The following TPP2 variants were observed in gnomAD, a reference collection of about 807,000 sequenced individuals.
TPP2 encodes tripeptidyl-peptidase 2.
A neutral mutation model predicts 155.9 loss-of-function variants in TPP2; 34 were observed. The observed-to-expected ratio is 0.22, with a 90% CI of 0.17 to 0.29. The LOEUF (loss-of-function observed/expected upper bound fraction) is 0.29, where lower values mean the gene tolerates loss of function less well. Ranked by LOEUF, TPP2 falls within the 10% of genes least tolerant of loss-of-function variation. TPP2 has a pLI of 1.00. For synonymous variants in TPP2, 510 were observed against 529.4 expected, an observed-to-expected ratio of 0.96 and a Z score of 0.50; for missense variants, 1,028 against 1,522.3, an observed-to-expected ratio of 0.68 and a Z score of 5.40.
At chr13:102,637,294 T>A (rs981835192) in intron 14 of TPP2, 55 bp downstream of exon 14, 57 of 1,527,346 alleles carry the variant, frequency 3.7e-5, no homozygotes, top group Non-Finnish European at 4.9e-5. Flanking sequence ...TTTAAAAGGT[T>A]AAAAAAAAAT....
rs755694829 is a variant in TPP2 at position 102,604,878 on chromosome 13, C to T, written c.251C>T (p.Pro84Leu). Residue 84 changes from proline to leucine, a missense_variant, in exon 2 of 30, where the codon CCA (proline) becomes CTA (leucine). By Grantham distance (98) the Pro-to-Leu change is moderately conservative. Coordinates refer to ENST00000376052, the MANE Select transcript of TPP2 (RefSeq NM_001330588.2). ...GDVNTATEVE[P>L]KDGEIVGLSG... ...GTGAATACTGCTACAGAAGTAGAGC[C>T]AAAGGATGGTGAGATTGTTGGCCTT... 2.2e-5 allele frequency: 35 copies of T among 1,613,774 alleles called. No individual in the cohort carries two copies. Among genetic ancestry groups the T allele is most frequent in the Non-Finnish European group, 2.9e-5 (34 of 1,179,968 alleles).
At chr13:102,654,456 A>T (rs1040324589) in intron 24 of TPP2, among the ~76,000 whole-genome samples, 9 of 151,844 alleles carry the variant, frequency 5.9e-5, no homozygotes, top group Non-Finnish European at 1.2e-4. Context: ...CCCACTTTTG[A>T]TAGGTCTTTG....
chr13:102,663,901 A>G lies in TPP2; in HGVS notation c.3240+157A>G, dbSNP rs145802326. ...TTAAGCTGTTTTCATGAAGGTTATT[A>G]TAAGACCTAGCCACTACTGTGAGTT... On this transcript the variant is annotated intron_variant, in intron 26 of 29. Coordinates refer to ENST00000376052, the MANE Select transcript of TPP2 (RefSeq NM_001330588.2). 5.9e-5 allele frequency among the ~76,000 whole-genome samples: 9 copies of G among 152,348 alleles called. No homozygotes were observed. In the East Asian group the frequency reaches 1.5e-3, roughly 26 times the overall value.
At chr13:102,628,403 G>A (rs907154674) in intron 8 of TPP2, among the ~76,000 whole-genome samples, 11 of 152,180 alleles carry the variant, frequency 7.2e-5, no homozygotes, top group East Asian at 1.9e-4. Context: ...CCCGACAGAC[G>A]CCCAGACTTG....
At position 102,616,428 on chromosome 13, in the gene TPP2, TCA is replaced by T; in HGVS notation, c.426_427del (p.His142GlnfsTer9). 6.2e-7 allele frequency: 1 copy of T among 1,613,042 alleles called. No homozygotes were observed. The highest frequency in any genetic ancestry group is 1.1e-5 in the South Asian group (1 of 90,744). Reference sequence around the variant, plus strand: ...GGAAGGAAAAAATCTGGGACCCTGTTCACAGAGTGGCCCTTGCAGAAGCCTGT... The same window carrying T: ...GGAAGGAAAAAATCTGGGACCCTGTTCAGAGTGGCCCTTGCAGAAGCCTGT... ...ERKEKIWDPV[H>X]RVALAEACRK... On this transcript the variant is annotated frameshift_variant, in exon 4 of 30. Transcript: ENST00000376052. LOFTEE classifies it high-confidence loss of function.
At chr13:102,607,739 A>G (rs1034847123) in intron 2 of TPP2, 2 of 404,150 alleles carry the variant, frequency 4.9e-6, no homozygotes, top group South Asian at 3.4e-5. Context: ...GGCATGCGCC[A>G]TGACACTTGG....
intron 2 of TPP2, among the ~76,000 whole-genome samples, chr13:102,607,316 A>T (rs1281548588): frequency 2.0e-5 from 3 of 152,210 alleles, no homozygotes; most frequent in African/African-American, 7.2e-5. Context: ...CCAAAATCCG[A>T]AATGCTCCAA....
At chr13:102,624,081 A>G (rs939205947) in intron 6 of TPP2, among the ~76,000 whole-genome samples, 5 of 152,196 alleles carry the variant, frequency 3.3e-5, no homozygotes, top group African/African-American at 1.2e-4. Context: ...GTGTGTATAA[A>G]CCCCTAATAC....
chr13:102,673,879 A>G (rs1281359383), intron 27 of TPP2, among the ~76,000 whole-genome samples: 1 of 152,258 alleles, frequency 6.6e-6, no homozygotes, highest in Non-Finnish European at 1.5e-5. Context: ...ATGAACTGAA[A>G]GTTTTAAGAC....
chr13:102,638,218 C>T (rs1882517357), intron 14 of TPP2, 21 bp from the exon 15 acceptor site: 1 of 1,607,390 alleles, frequency 6.2e-7, no homozygotes, highest in Non-Finnish European at 8.5e-7. Flanking sequence ...GATATTGACA[C>T]TTACCGATTC....
At chr13:102,606,121 G>A (rs1879809215) in intron 2 of TPP2, among the ~76,000 whole-genome samples, 1 of 152,218 alleles carries the variant, frequency 6.6e-6, no homozygotes, top group Non-Finnish European at 1.5e-5. Context: ...CATGAGCTAA[G>A]GAGCATGAAG....
intron 16 of TPP2, among the ~76,000 whole-genome samples, chr13:102,642,599 C>T (rs1326999988): frequency 6.6e-6 from 1 of 152,016 alleles, no homozygotes; most frequent in Non-Finnish European, 1.5e-5. Context: ...TTTTATGAGC[C>T]ACGGCATTGC....
At chr13:102,626,415 G>T (rs1448725899) in intron 6 of TPP2, among the ~76,000 whole-genome samples, 1 of 152,094 alleles carries the variant, frequency 6.6e-6, no homozygotes, top group Non-Finnish European at 1.5e-5. Context: ...TGAATCTTGT[G>T]GTGGTTTTTA....
At chr13:102,647,596 T>G (rs1883208523) in intron 21 of TPP2, among the ~76,000 whole-genome samples, 1 of 152,192 alleles carries the variant, frequency 6.6e-6, no homozygotes, top group Admixed American at 6.5e-5. Context: ...CTGGCCAGCA[T>G]AACTTTTGGT....
intron 27 of TPP2, among the ~76,000 whole-genome samples, chr13:102,670,058 G>C (rs1038318308): frequency 2.0e-5 from 3 of 152,096 alleles, no homozygotes; most frequent in Admixed American, 1.3e-4. Context: ...GCTTTCTTGA[G>C]TGTTAGTAAA....
chr13:102,645,039 T>C lies in TPP2; in HGVS notation c.2393+30T>C, dbSNP rs747578528. The C allele has an allele frequency of 4.4e-6, 7 of 1,593,532 alleles. No homozygotes were observed. The South Asian group carries it at 7.8e-5, about 18-fold the overall frequency. On this transcript the variant is annotated intron_variant, in intron 19 of 29. Transcript: ENST00000376052. ...CATTCAATGTTTTAGGAACTACAGA[T>C]ATTGAATATAGATTGGGGGGATCTC...
At chr13:102,608,222 CT>C (rs1313849098) in intron 2 of TPP2, among the ~76,000 whole-genome samples, 1 of 152,144 alleles carries the variant, frequency 6.6e-6, no homozygotes, top group Non-Finnish European at 1.5e-5. Flanking sequence ...CTGTTTTCTA[CT>C]TTAACAGTAC....
intron 20 of TPP2, among the ~76,000 whole-genome samples, chr13:102,646,693 A>G (rs900388258): frequency 5.9e-5 from 9 of 152,182 alleles, no homozygotes; most frequent in Admixed American, 2.6e-4. Flanking sequence ...CAGAAATACC[A>G]TCTGCCTTCT....
At chr13:102,619,238 A>G (rs561213840) in intron 5 of TPP2, among the ~76,000 whole-genome samples, 61 of 152,302 alleles carry the variant, frequency 4.0e-4, no homozygotes, top group Non-Finnish European at 7.6e-4. Flanking sequence ...TGTTTCTATT[A>G]CTAAAACTAA....
Sources: gnomAD v4.1 joint callset for allele counts (sites outside exome capture counted in the v4.1 genomes callset) on GRCh38, gnomAD v4.1.1 for gene constraint, MANE v1.5 for transcripts, NCBI Gene and HGNC (gene_info 2026-07-23, HGNC 2026-07-21) for gene names.